Variants in HAPSTR1 observed in about 807,000 individuals in gnomAD.
HAPSTR1 encodes the protein HUWE1-associated protein modifying stress responses 1.
chr16:9,118,579 C>A, the HAPSTR1 span: 1 of 152,542 alleles, frequency 6.6e-6, no homozygotes, highest in Admixed American at 6.5e-5. Flanking sequence ...GATTTCTAAA[C>A]TTTTGCGAAA....
At chr16:9,093,161 G>T in the HAPSTR1 span, among the ~76,000 whole-genome samples, 2 of 152,020 alleles carry the variant, frequency 1.3e-5, no homozygotes, top group Admixed American at 1.3e-4. Flanking sequence ...AGATCCACCG[G>T]AGGCGATTTT....
the HAPSTR1 span, chr16:9,102,842 T>C: frequency 1.3e-6 from 1 of 789,542 alleles, no homozygotes; most frequent in Non-Finnish European, 2.0e-6. Context: ...ATGACTGAAA[T>C]CATTTCAGTT....
chr16:9,106,526 T>A, the HAPSTR1 span: 1 of 151,908 alleles, frequency 6.6e-6, no homozygotes. Flanking sequence ...GTGATCTGCC[T>A]TAGCCTCACT....
At chr16:9,097,822 C>T in the HAPSTR1 span, among the ~76,000 whole-genome samples, 1 of 152,244 alleles carries the variant, frequency 6.6e-6, no homozygotes, top group African/African-American at 2.4e-5. Flanking sequence ...TCTGTCATCT[C>T]TTGGCCATAA....
chr16:9,108,242 A>T, the HAPSTR1 span: 2 of 152,168 alleles, frequency 1.3e-5, no homozygotes, highest in Non-Finnish European at 2.9e-5. Context: ...TTACTTGGCT[A>T]AGATATGGAG....
the HAPSTR1 span, among the ~76,000 whole-genome samples, chr16:9,102,485 A>G: frequency 2.6e-5 from 4 of 152,220 alleles, no homozygotes; most frequent in South Asian, 2.1e-4. Context: ...GTTTTCCACC[A>G]TGCTATTTGG....
chr16:9,101,130 C>T, the HAPSTR1 span, among the ~76,000 whole-genome samples: 4 of 152,172 alleles, frequency 2.6e-5, no homozygotes, highest in Non-Finnish European at 5.9e-5. Context: ...CTTGATTTCT[C>T]TTAATGCCTC....
chr16:9,092,897 T>C, the HAPSTR1 span: 1 of 1,535,974 alleles, frequency 6.5e-7, no homozygotes, highest in African/African-American at 1.4e-5. Context: ...TTTTGGTTTT[T>C]TTTTTTTTTG....
the HAPSTR1 span, chr16:9,113,305 A>T: frequency 3.9e-5 from 6 of 152,316 alleles, no homozygotes; most frequent in African/African-American, 1.4e-4. Context: ...ATCATATTGC[A>T]CATTAAAGTT....
At chr16:9,092,190 C>A in the HAPSTR1 span, 5 of 1,582,438 alleles carry the variant, frequency 3.2e-6, no homozygotes, top group African/African-American at 6.7e-5. Flanking sequence ...GCGGCGGCCG[C>A]CGCGCAGCCC....
chr16:9,103,291 A>G, the HAPSTR1 span: 2 of 1,598,036 alleles, frequency 1.3e-6, no homozygotes, highest in East Asian at 2.2e-5. Flanking sequence ...TCTTTGGAAA[A>G]ATGGTTAAGA....
chr16:9,106,251 G>C, the HAPSTR1 span: 1 of 147,178 alleles, frequency 6.8e-6, no homozygotes, highest in Admixed American at 6.7e-5. Context: ...CCTATTTAAA[G>C]AAAAAAAAGT....
chr16:9,119,266 A>G, the HAPSTR1 span: 1 of 152,370 alleles, frequency 6.6e-6, no homozygotes, highest in South Asian at 2.1e-4. Context: ...AGGTTTTTCA[A>G]GGGTTTCCCT....
the HAPSTR1 span, chr16:9,118,906 G>A: frequency 2.0e-5 from 3 of 152,418 alleles, no homozygotes; most frequent in African/African-American, 7.3e-5. Context: ...CAATTTTTTG[G>A]TTGTTTTGTT....
At chr16:9,120,285 C>G in the HAPSTR1 span, 1 of 152,282 alleles carries the variant, frequency 6.6e-6, no homozygotes, top group African/African-American at 2.4e-5. Context: ...GGAAAGTTGT[C>G]GGCTTTGATG....
the HAPSTR1 span, chr16:9,117,604 C>G: frequency 6.5e-6 from 1 of 152,732 alleles, no homozygotes; most frequent in Non-Finnish European, 1.5e-5. Context: ...ATTAAACTGT[C>G]CCCAGAGTAA....
At chr16:9,102,933 A>G in the HAPSTR1 span, 1 of 1,569,914 alleles carries the variant, frequency 6.4e-7, no homozygotes, top group Non-Finnish European at 8.7e-7. Flanking sequence ...AGAAGGGAAT[A>G]CGGGCTCTAA....
the HAPSTR1 span, among the ~76,000 whole-genome samples, chr16:9,114,687 G>A: frequency 7.9e-5 from 12 of 152,266 alleles, no homozygotes; most frequent in East Asian, 1.5e-3. Flanking sequence ...CCAACCTGAA[G>A]CCACCTTTTT....
chr16:9,091,850 GT>G, the HAPSTR1 span: 1 of 409,946 alleles, frequency 2.4e-6, no homozygotes, highest in Non-Finnish European at 4.2e-6. Context: ...GGCGGGGGTC[GT>G]CCCTGGTTGC....
Sources: allele counts gnomAD v4.1 joint callset (sites outside exome capture counted in the v4.1 genomes callset), GRCh38; gene constraint gnomAD v4.1.1; transcripts MANE v1.5; gene names NCBI Gene and HGNC (gene_info 2026-07-23, HGNC 2026-07-21).